Variants in CSMD1 observed in about 807,000 individuals in gnomAD.
CSMD1 encodes the protein CUB and Sushi multiple domains 1.
Under a neutral mutation model 417.5 loss-of-function variants are expected in CSMD1, and 213 were observed. The observed-to-expected ratio is 0.51, with a 90% CI of 0.46 to 0.57. CSMD1 has a LOEUF of 0.57. Among genes scored for constraint, CSMD1 ranks in the 20% least tolerant of loss-of-function variants. The pLI, the probability that CSMD1 is intolerant of heterozygous loss-of-function variation, is 0.00. For missense variants in CSMD1, 6,923 were observed against 4,529.7 expected (o/e 1.53, Z -15.17); for synonymous variants, 2,862 against 1,736.8 (o/e 1.65, Z -16.11).
intron 3 of CSMD1, among the ~76,000 whole-genome samples, chr8:4,259,162 G>A (rs1177092893): frequency 1.3e-5 from 2 of 152,242 alleles, no homozygotes; most frequent in African/African-American, 2.4e-5. Flanking sequence ...TCTCACACAC[G>A]AAGCTAAGGG....
Position 3,248,066 on chromosome 8 carries a change from G to C in CSMD1, c.4154-17835C>G, listed in dbSNP as rs140727751. On this transcript the variant is annotated intron_variant, in intron 26 of 69. Coordinates refer to ENST00000635120, the MANE Select transcript of CSMD1 (RefSeq NM_033225.6). ...ACACCGGCTGTGCAAAGTGGCTCAT[G>C]TCTGTAATCCCATTGCTTTGGGAGC... Among the ~76,000 whole-genome samples the C allele has an allele frequency of 2.6e-5, 4 of 152,286 alleles. No homozygotes were observed. In the East Asian group the frequency reaches 5.8e-4, roughly 22 times the overall value.
intron 64 of CSMD1, 56 bp downstream of exon 64, chr8:2,955,533 C>G: frequency 6.4e-7 from 1 of 1,570,160 alleles, no homozygotes; most frequent in Middle Eastern, 1.7e-4. Flanking sequence ...TGATGGGCAG[C>G]TGATCCTTTC....
chr8:3,580,095 C>A (rs1299732717), intron 9 of CSMD1, among the ~76,000 whole-genome samples: 1 of 151,682 alleles, frequency 6.6e-6, no homozygotes, highest in Non-Finnish European at 1.5e-5. Flanking sequence ...CAGAGGGAGA[C>A]TCTGTCTCAA....
intron 1 of CSMD1, among the ~76,000 whole-genome samples, chr8:4,921,012 A>AAAAG (rs138072654): frequency 0.12 from 1,198 of 9,964 alleles, 211 homozygotes; most frequent in African/African-American, 0.23. Context: ...AGAAAGAAAG[A>AAAAG]AAAGAAAGAA....
At chr8:4,813,880 G>A (rs1029700077) in intron 1 of CSMD1, among the ~76,000 whole-genome samples, 21 of 152,164 alleles carry the variant, frequency 1.4e-4, no homozygotes, top group Admixed American at 1.4e-3. Flanking sequence ...TTTTCCATTA[G>A]AGAATATTTA....
rs182573828 is a variant in CSMD1, at chr8:4,559,044, G to A, written c.302+78298C>T. On this transcript the variant is annotated intron_variant, in intron 2 of 69. Transcript: ENST00000635120. The stretch of plus-strand genomic sequence containing the variant: ...GAGTTCTTTGCAAAGTCCCCCTTTG[G>A]AGCCCTCATCTTGTATTTAAGCAGT... Among the ~76,000 whole-genome samples the A allele has an allele frequency of 1.2e-4, 19 of 152,138 alleles. No homozygotes were observed. The East Asian group carries it at 2.5e-3, about 20-fold the overall frequency.
intron 1 of CSMD1, among the ~76,000 whole-genome samples, chr8:4,943,015 A>G (rs952763934): frequency 6.6e-6 from 1 of 152,194 alleles, no homozygotes; most frequent in Admixed American, 6.5e-5. Flanking sequence ...TGTTGAGAGT[A>G]TGGCTTTCTT....
At chr8:3,300,305 C>A (rs546011798) in intron 25 of CSMD1, among the ~76,000 whole-genome samples, 77 of 152,054 alleles carry the variant, frequency 5.1e-4, no homozygotes, top group African/African-American at 1.8e-3. Flanking sequence ...AGCTATATCA[C>A]CTTTTCAAGT....
At chr8:4,355,322 C>CACAT (rs1229226280) in intron 3 of CSMD1, among the ~76,000 whole-genome samples, 1 of 132,890 alleles carries the variant, frequency 7.5e-6, no homozygotes, top group Non-Finnish European at 1.7e-5. Flanking sequence ...CACACACACA[C>CACAT]ACGCACACAC....
At chr8:4,545,946 A>G (rs2103221) in intron 2 of CSMD1, among the ~76,000 whole-genome samples, 47,732 of 151,992 alleles carry the variant, frequency 0.31, 8,655 homozygotes, top group South Asian at 0.54. Context: ...TTTCTCAGAA[A>G]GAAACTTTCT....
At chr8:4,704,491 T>C (rs1807792333) in intron 1 of CSMD1, among the ~76,000 whole-genome samples, 1 of 152,230 alleles carries the variant, frequency 6.6e-6, no homozygotes, top group Admixed American at 6.5e-5. Context: ...TGAATTTTTG[T>C]AGTACTATTT....
chr8:4,345,534 G>A (rs1330533980), intron 3 of CSMD1, among the ~76,000 whole-genome samples: 1 of 151,962 alleles, frequency 6.6e-6, no homozygotes, highest in Non-Finnish European at 1.5e-5. Context: ...CATGCAGAAT[G>A]GGGGAAATAT....
At chr8:4,399,385 T>C (rs1487659649) in intron 3 of CSMD1, among the ~76,000 whole-genome samples, 3 of 152,172 alleles carry the variant, frequency 2.0e-5, no homozygotes, top group African/African-American at 7.2e-5. Context: ...GAATAGAGTT[T>C]CAAACATAGG....
At position 4,909,676 on chromosome 8, in the gene CSMD1, G is replaced by T. The variant is rs143180970; in HGVS notation, c.85+84656C>A. On this transcript the variant is annotated intron_variant, in intron 1 of 69. Coordinates refer to ENST00000635120, the MANE Select transcript of CSMD1 (RefSeq NM_033225.6). The stretch of plus-strand genomic sequence containing the variant: ...GGCCTCCTAAGACTGCACACCCCCG[G>T]ATTTTCTCCTTCTCACACCACTGCT... Among the ~76,000 whole-genome samples the T allele has an allele frequency of 1.1e-3, 166 of 152,182 alleles. 7 individuals carry two copies. In the East Asian group the frequency reaches 0.017, roughly 16 times the overall value.
At chr8:4,311,239 G>A (rs974630661) in intron 3 of CSMD1, among the ~76,000 whole-genome samples, 9 of 152,254 alleles carry the variant, frequency 5.9e-5, no homozygotes, top group African/African-American at 1.9e-4. Flanking sequence ...GCAAAGGCAC[G>A]GAATCAACCT....
intron 1 of CSMD1, among the ~76,000 whole-genome samples, chr8:4,806,715 G>C (rs1798609512): frequency 1.3e-5 from 2 of 152,156 alleles, no homozygotes; most frequent in Non-Finnish European, 2.9e-5. Context: ...AGTATGCTTT[G>C]TTGAGCCCAT....
intron 2 of CSMD1, among the ~76,000 whole-genome samples, chr8:4,605,577 G>C (rs1407135946): frequency 6.6e-6 from 1 of 152,144 alleles, no homozygotes; most frequent in Non-Finnish European, 1.5e-5. Context: ...TAAAGACTTT[G>C]GGAGGCAAAA....
intron 2 of CSMD1, among the ~76,000 whole-genome samples, chr8:4,479,459 C>G (rs1800972833): frequency 1.3e-5 from 2 of 152,148 alleles, no homozygotes. Context: ...GTGCAACTTA[C>G]CATACAACCA....
rs1811910819 is a variant in CSMD1, at chr8:3,399,521, C to T, written c.2275G>A (p.Gly759Ser). The T allele has an allele frequency of 6.3e-7, 1 of 1,592,784 alleles. No individual in the cohort carries two copies. The highest frequency in any genetic ancestry group is 8.5e-7 in the Non-Finnish European group (1 of 1,171,120). Reference sequence around the variant, plus strand: ...CCGCTGGACGCTGTCAGATGTCCACCACATGGAGCTAAAACAAGACGTAGA... The same window carrying T: ...CCGCTGGACGCTGTCAGATGTCCACTACATGGAGCTAAAACAAGACGTAGA... ...STVPRCEAPC[G>S]GHLTASSGVI... Residue 759 changes from glycine to serine, a missense_variant, in exon 16 of 70, where the codon GGT (glycine) becomes AGT (serine). Physicochemically the swap from Gly to Ser is moderately conservative, Grantham distance 56. Transcript: ENST00000635120.
Sources: allele counts gnomAD v4.1 joint callset (sites outside exome capture counted in the v4.1 genomes callset), GRCh38; gene constraint gnomAD v4.1.1; transcripts MANE v1.5; gene names NCBI Gene and HGNC (gene_info 2026-07-23, HGNC 2026-07-21).